Variants in ADGRV1 observed in about 807,000 individuals in gnomAD.
The protein encoded by ADGRV1 is adhesion G protein-coupled receptor V1, also known as G-protein coupled receptor 98.
A neutral mutation model predicts 596.2 loss-of-function variants in ADGRV1; 359 were observed. That is an observed-to-expected ratio of 0.60 (90% CI 0.55 to 0.66). ADGRV1 has a LOEUF of 0.66. ADGRV1 is among the 30% of genes least tolerant of loss of function. The pLI, the probability that ADGRV1 is intolerant of heterozygous loss-of-function variation, is 0.00. For missense variants in ADGRV1, 7,274 were observed against 7,575.6 expected, an observed-to-expected ratio of 0.96 and a Z score of 1.48; for synonymous variants, 2,681 against 2,679.2, an observed-to-expected ratio of 1.00 and a Z score of -0.02.
intron 79 of ADGRV1, among the ~76,000 whole-genome samples, chr5:90,849,577 A>G (rs1218040757): frequency 6.6e-6 from 1 of 151,954 alleles, no homozygotes; most frequent in East Asian, 1.9e-4. Flanking sequence ...TTTTGTAGAG[A>G]TAGAATTTCA....
At chr5:90,845,215 C>CAAA (rs1765763236) in intron 78 of ADGRV1, among the ~76,000 whole-genome samples, 1 of 152,032 alleles carries the variant, frequency 6.6e-6, no homozygotes. Flanking sequence ...CAATTGTGCG[C>CAAA]AAACAAAAAG....
At chr5:90,565,265 C>T (rs1561296130) in intron 1 of ADGRV1, among the ~76,000 whole-genome samples, 1 of 152,154 alleles carries the variant, frequency 6.6e-6, no homozygotes, top group Non-Finnish European at 1.5e-5. Flanking sequence ...ACCATCACCA[C>T]TGTCTATTCC....
chr5:90,804,303 G>A (rs1489274209), intron 71 of ADGRV1, among the ~76,000 whole-genome samples: 3 of 152,122 alleles, frequency 2.0e-5, no homozygotes, highest in Non-Finnish European at 4.4e-5. Context: ...TGGGGAAGGT[G>A]AGGCATGAGA....
At chr5:91,105,513 T>C (rs1485769953) in intron 87 of ADGRV1, among the ~76,000 whole-genome samples, 1 of 152,246 alleles carries the variant, frequency 6.6e-6, no homozygotes, top group Admixed American at 6.5e-5. Context: ...TTTTGTCTTT[T>C]TGATGATAGT....
chr5:91,150,136 C>G lies in ADGRV1; in HGVS notation c.18539C>G (p.Ala6180Gly), dbSNP rs200137578. 15 of 1,594,182 alleles carry G rather than the reference C, an allele frequency of 9.4e-6. No homozygotes were observed. The highest frequency in any genetic ancestry group is 1.1e-5 in the Non-Finnish European group (13 of 1,170,904). ...EMNGHPGPST[A>G]FFTPGSGMPP... is the part of the protein sequence containing the mutation. ...AATGGGCATCCTGGACCCAGCACAG[C>G]CTTTTTCACGCCCGGGAGTGGAATG... The change falls in exon 88 of 90, where the codon GCC (alanine) becomes GGC (glycine). Residue 6180 changes from alanine to glycine, a missense_variant. By Grantham distance (60) the Ala-to-Gly change is moderately conservative. Coordinates refer to ENST00000405460, the MANE Select transcript of ADGRV1 (RefSeq NM_032119.4).
intron 75 of ADGRV1, among the ~76,000 whole-genome samples, chr5:90,818,500 A>C (rs1763143813): frequency 6.7e-6 from 1 of 150,198 alleles, no homozygotes; most frequent in African/African-American, 2.4e-5. Context: ...GCCAGTTTTC[A>C]AAGGGAATGC....
intron 84 of ADGRV1, among the ~76,000 whole-genome samples, chr5:90,970,265 G>A (rs899964399): frequency 1.3e-5 from 2 of 152,178 alleles, no homozygotes; most frequent in Non-Finnish European, 2.9e-5. Context: ...GCTCAAGGAG[G>A]CCTGCCTGCC....
intron 85 of ADGRV1, among the ~76,000 whole-genome samples, chr5:91,011,665 G>A (rs574820226): frequency 9.9e-5 from 15 of 151,632 alleles, no homozygotes; most frequent in Non-Finnish European, 1.8e-4. Flanking sequence ...TCTCTAACTA[G>A]TATCATCATT....
At chr5:90,978,652 T>C (rs1252962157) in intron 84 of ADGRV1, among the ~76,000 whole-genome samples, 1 of 152,178 alleles carries the variant, frequency 6.6e-6, no homozygotes, top group African/African-American at 2.4e-5. Flanking sequence ...GATTTGATTA[T>C]TACAGATTGT....
At chr5:90,727,166 T>C (rs1252360384) in intron 48 of ADGRV1, among the ~76,000 whole-genome samples, 1 of 152,094 alleles carries the variant, frequency 6.6e-6, no homozygotes, top group African/African-American at 2.4e-5. Flanking sequence ...CAGGTCACTA[T>C]AGCCTTGACC....
At chr5:90,949,298 G>T (rs1187090357) in intron 83 of ADGRV1, among the ~76,000 whole-genome samples, 1 of 152,016 alleles carries the variant, frequency 6.6e-6, no homozygotes, top group African/African-American at 2.4e-5. Flanking sequence ...ACTTTATATG[G>T]GTCTGTGTGT....
chr5:90,742,483 G>A (rs1754074642), intron 50 of ADGRV1, among the ~76,000 whole-genome samples: 1 of 152,086 alleles, frequency 6.6e-6, no homozygotes, highest in South Asian at 2.1e-4. Flanking sequence ...AGTGATACTG[G>A]GTTTAACTGA....
rs778501967 is a variant in ADGRV1 at position 90,853,543 on chromosome 5, C to T, written c.17454+10C>T. ...TACCCTAAAAAATAAGGTAATCTTTCATTCAAAACACTTATGTGGTTGGAA... is the reference window on the plus strand; with the variant it reads ...TACCCTAAAAAATAAGGTAATCTTTTATTCAAAACACTTATGTGGTTGGAA... On this transcript the variant is annotated intron_variant, in intron 80 of 89. Coordinates refer to ENST00000405460, the MANE Select transcript of ADGRV1 (RefSeq NM_032119.4). 4.4e-6 allele frequency: 7 copies of T among 1,604,132 alleles called. No homozygotes were observed. The highest frequency in any genetic ancestry group is 6.0e-6 in the Non-Finnish European group (7 of 1,173,966).
At chr5:90,708,704 C>A (rs916892466) in intron 38 of ADGRV1, 112 bp from the exon 39 acceptor site, 16 of 569,514 alleles carry the variant, frequency 2.8e-5, no homozygotes, top group Non-Finnish European at 4.9e-5. Flanking sequence ...TTTATGGTTG[C>A]ATTTTTGTAT....
Position 90,653,740 on chromosome 5 carries a change from C to T in ADGRV1, c.4166C>T (p.Thr1389Ile). The T allele has an allele frequency of 6.2e-7, 1 of 1,612,774 alleles. No homozygotes were observed. ...ATCTACTACGGGGTAAAAATACAAACAAACGAATCCCATGTGACACTTTCC... is the reference window on the plus strand; with the variant it reads ...ATCTACTACGGGGTAAAAATACAAATAAACGAATCCCATGTGACACTTTCC... ...GSIYYGVKIQTNESHVTLSLH... is the reference protein window; with the variant it reads ...GSIYYGVKIQINESHVTLSLH... Residue 1389 changes from threonine to isoleucine, a missense_variant, in exon 20 of 90, where the codon ACA becomes ATA. Thr to Ile is a moderately conservative substitution (Grantham distance 89). Around this residue, in one of 5 missense-constraint regions of ADGRV1, gnomAD observed 1,715 missense variants for 1,708.8 expected, o/e 1.00. Transcript: ENST00000405460.
chr5:91,046,589 T>G (rs572675299), intron 85 of ADGRV1, among the ~76,000 whole-genome samples: 28 of 152,284 alleles, frequency 1.8e-4, no homozygotes, highest in African/African-American at 5.5e-4. Flanking sequence ...GGAAAACCCC[T>G]TCTACGCATT....
In ADGRV1 at chr5:90,757,058, G is replaced by A. The variant is rs751526081; in HGVS notation, c.11837G>A (p.Gly3946Glu). The A allele has an allele frequency of 7.4e-6, 12 of 1,613,944 alleles. No homozygotes were observed. The South Asian group carries it at 1.3e-4, about 18-fold the overall frequency. ...VLQVPVVRLA[G>E]SFGAVNVYWK... ...CAAGTTCCTGTAGTCCGGCTGGCTGGAAGCTTTGGGGCAGTAAATGTTTAT... is the reference window on the plus strand; with the variant it reads ...CAAGTTCCTGTAGTCCGGCTGGCTGAAAGCTTTGGGGCAGTAAATGTTTAT... Residue 3946 changes from glycine to glutamate, a missense_variant, in exon 57 of 90, where the codon GGA (glycine) becomes GAA (glutamate). By Grantham distance (98) the Gly-to-Glu change is moderately conservative. Around this residue, in one of 5 missense-constraint regions of ADGRV1, gnomAD observed 3,643 missense variants for 3,809.2 expected, o/e 0.96. Transcript: ENST00000405460.
In ADGRV1 at chr5:90,815,746, T is replaced by C. The variant is rs1321794840; in HGVS notation, c.16196+10T>C. On this transcript the variant is annotated intron_variant, in intron 75 of 89. Coordinates refer to ENST00000405460, the MANE Select transcript of ADGRV1 (RefSeq NM_032119.4). ...CAAGACAGCCAAACAGGTATGTGTA[T>C]ATATAGTATATGGAAGACGTAACAT... 3.1e-6 allele frequency: 4 copies of C among 1,298,830 alleles called. No homozygotes were observed. The highest frequency in any genetic ancestry group is 2.9e-5 in the African/African-American group (2 of 68,336). The allele number at this position is 1,298,830 out of a possible 1,614,324, so 80.5% of individuals were successfully genotyped here.
chr5:90,796,221 G>A (rs536203674), intron 70 of ADGRV1, among the ~76,000 whole-genome samples: 7 of 152,080 alleles, frequency 4.6e-5, no homozygotes, highest in African/African-American at 1.7e-4. Context: ...AGGAAGCTAG[G>A]AACCTTGAAA....
Sources: allele counts gnomAD v4.1 joint callset (sites outside exome capture counted in the v4.1 genomes callset), GRCh38; gene constraint gnomAD v4.1.1; regional missense constraint gnomAD v4.1.1; transcripts MANE v1.5; gene names NCBI Gene and HGNC (gene_info 2026-07-23, HGNC 2026-07-21).